Variants in RAB12 observed in about 807,000 individuals in gnomAD.
RAB12 encodes the protein RAB12, member RAS oncogene family.
In RAB12, 11 loss-of-function variants were observed where a neutral mutation model predicts 28.4. The observed-to-expected ratio is 0.39, with a 90% CI of 0.24 to 0.64. The LOEUF (loss-of-function observed/expected upper bound fraction) is 0.64. Ranked by LOEUF, RAB12 falls within the 30% of genes least tolerant of loss-of-function variation. The pLI is 0.50. For missense variants in RAB12, 276 were observed against 351.1 expected (o/e 0.79, Z 1.71); for synonymous variants, 138 against 145.3 (o/e 0.95, Z 0.36).
At chr18:8,615,197 G>A (rs1356273218) in intron 1 of RAB12, among the ~76,000 whole-genome samples, 1 of 152,186 alleles carries the variant, frequency 6.6e-6, no homozygotes, top group Non-Finnish European at 1.5e-5. Context: ...ACGGGTGAGT[G>A]TGAATCCCTT....
At position 8,638,178 on chromosome 18, in the gene RAB12, G is replaced by A. The variant is rs746923211; in HGVS notation, c.939G>A (p.Leu313=). 1 of 1,613,520 alleles carries A rather than the reference G, an allele frequency of 6.2e-7. No individual in the cohort carries two copies. Among genetic ancestry groups the A allele is most frequent in the Non-Finnish European group, 8.5e-7 (1 of 1,179,608 alleles). Residue 313 remains leucine (L), a synonymous_variant, in exon 6 of 6, where the codon TTG becomes TTA. Transcript: ENST00000649141. The stretch of plus-strand genomic sequence containing the variant: ...CTCTGGATATTTTAAGGAATGAGTT[G>A]TCCAATAGTATCCTGTCGTTACAAC... ...KMPLDILRNE[L]SNSILSLQPE...
rs998171517 is a variant in RAB12 at position 8,626,882 on chromosome 18, C to T, written c.575+1884C>T. Among the ~76,000 whole-genome samples, 7 of 152,186 alleles carry T rather than the reference C, an allele frequency of 4.6e-5. No homozygotes were observed. In the South Asian group the frequency reaches 8.3e-4, roughly 18 times the overall value. On this transcript the variant is annotated intron_variant, in intron 2 of 5. Coordinates refer to ENST00000649141, the MANE Select transcript of RAB12 (RefSeq NM_001025300.3). The stretch of plus-strand genomic sequence containing the variant: ...GGAAGAATGAAATGGATTGGACTTA[C>T]GGAATGGTTGATTGCAAGTTTTCTA...
chr18:8,639,144 G>GTTTTTTTTTTTTTTTTTTTTTT lies in RAB12; in HGVS notation c.*884_*885insTTTTTTTTTTTTTTTTTTTTTT, dbSNP rs1598315808. On this transcript the variant is annotated 3_prime_UTR_variant, in exon 6 of 6. Transcript: ENST00000649141. ...CTTATTCTGATTAAGCCTAGACTGT[G>GTTTTTTTTTTTTTTTTTTTTTT]TTCTTTTTTTTTTTTTTTTTTTTTT... 15 of 16,580 alleles carry GTTTTTTTTTTTTTTTTTTTTTT rather than the reference G, an allele frequency of 9.0e-4. 1 individual carries two copies. The highest frequency in any genetic ancestry group is 6.7e-3 in the South Asian group (3 of 448). The allele number at this position is 16,580 out of a possible 1,614,324, so 1.0% of individuals were successfully genotyped here. A position where few individuals can be genotyped will look rare whatever the true frequency, so the allele number is the denominator to read the frequency against.
At position 8,620,139 on chromosome 18, in the gene RAB12, CTTTTTTTTTTT is replaced by C. The variant is rs71165795; in HGVS notation, c.515-4788_515-4778del. ...AAAGCCTTCTTTTTTTTTTCTTCTTCTTTTTTTTTTTTTTTTTTTTTGCTTCAAAAAAAAAA... is the reference window on the plus strand; with the variant it reads ...AAAGCCTTCTTTTTTTTTTCTTCTTCTTTTTTTTTTGCTTCAAAAAAAAAA... On this transcript the variant is annotated intron_variant, in intron 1 of 5. Coordinates refer to ENST00000649141, the MANE Select transcript of RAB12 (RefSeq NM_001025300.3). Among the ~76,000 whole-genome samples the C allele has an allele frequency of 5.0e-3, 269 of 53,964 alleles. 1 individual carries two copies. Among genetic ancestry groups the C allele is most frequent in the Non-Finnish European group, 7.0e-3 (228 of 32,392 alleles). The allele number at this position is 53,964 out of a possible 152,430, so 35.4% of individuals were successfully genotyped here.
intron 4 of RAB12, 45 bp downstream of exon 4, chr18:8,635,667 G>A (rs369302314): frequency 1.4e-5 from 17 of 1,205,128 alleles, no homozygotes; most frequent in East Asian, 2.5e-5. Context: ...TGTGCTTAGC[G>A]CTTGAGGTAC....
chr18:8,622,674 G>T (rs948074194), intron 1 of RAB12, among the ~76,000 whole-genome samples: 2 of 152,208 alleles, frequency 1.3e-5, no homozygotes, highest in African/African-American at 4.8e-5. Context: ...CTTATCAGGA[G>T]ACAGGGTTTT....
At chr18:8,625,987 T>C (rs1335523218) in intron 2 of RAB12, among the ~76,000 whole-genome samples, 1 of 152,194 alleles carries the variant, frequency 6.6e-6, no homozygotes, top group Admixed American at 6.5e-5. Flanking sequence ...CTTCTGGAGG[T>C]GTCTGAGGTA....
chr18:8,615,019 C>G (rs192657784), intron 1 of RAB12, among the ~76,000 whole-genome samples: 2 of 152,340 alleles, frequency 1.3e-5, no homozygotes, highest in South Asian at 2.1e-4. Context: ...CCTGTGTGCT[C>G]TCTGCCTGAC....
chr18:8,638,338 T>C lies in RAB12; in HGVS notation c.*76T>C. On this transcript the variant is annotated 3_prime_UTR_variant, in exon 6 of 6. Coordinates refer to ENST00000649141, the MANE Select transcript of RAB12 (RefSeq NM_001025300.3). ...CGTTCTATTCTGCACTACAATCATTTTGACAATTTCCTTTCGCACTTTGTA... is the reference window on the plus strand; with the variant it reads ...CGTTCTATTCTGCACTACAATCATTCTGACAATTTCCTTTCGCACTTTGTA... 1 of 1,028,420 alleles carries C rather than the reference T, an allele frequency of 9.7e-7. No individual in the cohort carries two copies. The allele number at this position is 1,028,420 out of a possible 1,614,324, so 63.7% of individuals were successfully genotyped here. A position where few individuals can be genotyped will look rare whatever the true frequency, so the allele number is the denominator to read the frequency against.
intron 1 of RAB12, among the ~76,000 whole-genome samples, chr18:8,622,360 C>T (rs556598260): frequency 3.9e-5 from 6 of 152,262 alleles, no homozygotes; most frequent in Non-Finnish European, 4.4e-5. Flanking sequence ...TTTCCCTAAG[C>T]GTCGGCCGGT....
At chr18:8,623,096 C>T (rs2096010812) in intron 1 of RAB12, among the ~76,000 whole-genome samples, 1 of 152,030 alleles carries the variant, frequency 6.6e-6, no homozygotes, top group Non-Finnish European at 1.5e-5. Flanking sequence ...ATCACATGGT[C>T]CTGAGGCAAC....
At position 8,617,163 on chromosome 18, in the gene RAB12, G is replaced by A. The variant is rs116891414; in HGVS notation, c.514+7210G>A. ...ATCTCACAGTATAGGCATAAATGAA[G>A]TTAAAATATCTTACATGTCTGGCAT... On this transcript the variant is annotated intron_variant, in intron 1 of 5. Transcript: ENST00000649141. 5.8e-3 allele frequency among the ~76,000 whole-genome samples: 887 copies of A among 152,244 alleles called. 13 individuals carry two copies. Among genetic ancestry groups the A allele is most frequent in the South Asian group, 0.036 (173 of 4,826 alleles).
chr18:8,628,443 A>C (rs57834182), intron 2 of RAB12, among the ~76,000 whole-genome samples: 17,660 of 152,216 alleles, frequency 0.12, 1,716 homozygotes, highest in African/African-American at 0.26. Flanking sequence ...GGAGTGTGGA[A>C]TCGTCTCTCA....
intron 2 of RAB12, among the ~76,000 whole-genome samples, chr18:8,626,674 A>G (rs1043299474): frequency 6.6e-6 from 1 of 152,182 alleles, no homozygotes; most frequent in African/African-American, 2.4e-5. Flanking sequence ...CCTCGGGGAG[A>G]AAGTGAGATA....
intron 4 of RAB12, chr18:8,635,859 T>C (rs891399131): frequency 6.4e-6 from 3 of 468,824 alleles, no homozygotes; most frequent in Non-Finnish European, 1.1e-5. Context: ...TAACCTGACA[T>C]TTTATACAGA....
Position 8,611,662 on chromosome 18 carries a change from C to T in RAB12, c.514+1709C>T, listed in dbSNP as rs1031581610. Among the ~76,000 whole-genome samples, 3 of 152,184 alleles carry T rather than the reference C, an allele frequency of 2.0e-5. No homozygotes were observed. In the East Asian group the frequency reaches 5.8e-4, roughly 29 times the overall value. ...AAAAGACTCCTTAGTAAGGCATTGG[C>T]ACGAAAACAGTTTGGCAGAGTTGCA... On this transcript the variant is annotated intron_variant, in intron 1 of 5. Transcript: ENST00000649141.
intron 3 of RAB12, among the ~76,000 whole-genome samples, chr18:8,634,166 AT>A (rs2096017542): frequency 1.4e-5 from 2 of 142,062 alleles, no homozygotes; most frequent in East Asian, 2.6e-4. Flanking sequence ...GTGGCCAGGC[AT>A]GGTGACTCAC....
At chr18:8,613,187 G>A (rs753605955) in intron 1 of RAB12, among the ~76,000 whole-genome samples, 2 of 152,182 alleles carry the variant, frequency 1.3e-5, no homozygotes, top group African/African-American at 2.4e-5. Flanking sequence ...AATGGAAATT[G>A]TCTAATGGAA....
intron 1 of RAB12, among the ~76,000 whole-genome samples, chr18:8,613,948 A>C (rs183147068): frequency 1.1e-3 from 165 of 152,352 alleles, no homozygotes; most frequent in Non-Finnish European, 1.9e-3. Context: ...CGTTTTACAG[A>C]TGAGGACGAG....
Sources: allele counts gnomAD v4.1 joint callset (sites outside exome capture counted in the v4.1 genomes callset), GRCh38; gene constraint gnomAD v4.1.1; transcripts MANE v1.5; gene names NCBI Gene and HGNC (gene_info 2026-07-23, HGNC 2026-07-21).